Variants in HDHD2 observed in about 807,000 individuals in gnomAD.
The protein encoded by HDHD2 is haloacid dehalogenase like hydrolase domain containing 2, also known as haloacid dehalogenase-like hydrolase domain-containing protein 2.
Under a neutral mutation model 24.8 loss-of-function variants are expected in HDHD2, and 26 were observed. The ratio of observed to expected loss-of-function variants is 1.05; its 90% confidence interval spans 0.77 to 1.45. HDHD2 has a LOEUF of 1.45. HDHD2 is among the 40% of genes most tolerant of loss of function. The pLI, the probability that HDHD2 is intolerant of heterozygous loss-of-function variation, is 0.00. For missense variants in HDHD2, 299 were observed against 313.4 expected (o/e 0.95, Z 0.35); for synonymous variants, 128 against 114.9 (o/e 1.11, Z -0.73).
At chr18:47,144,208 C>T (rs1006913457) in intron 1 of HDHD2, among the ~76,000 whole-genome samples, 5 of 152,216 alleles carry the variant, frequency 3.3e-5, no homozygotes, top group African/African-American at 1.2e-4. Flanking sequence ...CCAAACGTAT[C>T]TGTCACACTA....
At chr18:47,124,544 T>C (rs2063638232) in intron 4 of HDHD2, among the ~76,000 whole-genome samples, 1 of 151,590 alleles carries the variant, frequency 6.6e-6, no homozygotes, top group African/African-American at 2.4e-5. Context: ...CTGTTTCTAC[T>C]AAAAATACAA....
chr18:47,125,862 T>C (rs1445794737), intron 4 of HDHD2, among the ~76,000 whole-genome samples: 1 of 152,216 alleles, frequency 6.6e-6, no homozygotes, highest in Non-Finnish European at 1.5e-5. Flanking sequence ...TCTGTATAAC[T>C]TACAGTGCAT....
chr18:47,129,794 C>T (rs757328768), intron 4 of HDHD2, among the ~76,000 whole-genome samples: 7 of 152,238 alleles, frequency 4.6e-5, no homozygotes, highest in Admixed American at 2.0e-4. Context: ...AACTGCTGCT[C>T]GGGCGTGCTG....
At chr18:47,136,884 T>C in intron 1 of HDHD2, 1 of 409,424 alleles carries the variant, frequency 2.4e-6, no homozygotes, top group African/African-American at 2.0e-5. Flanking sequence ...TCGCCCTTCT[T>C]TGCTGCTGTA....
At position 47,120,918 on chromosome 18, in the gene HDHD2, C is replaced by T. The variant is rs192345237; in HGVS notation, c.396-5570G>A. ...ATCTTAACATGGGCATGGTTTGTGG[C>T]TGCCCAAAACAATTACAACAGTAAC... On this transcript the variant is annotated intron_variant, in intron 4 of 6. Coordinates refer to ENST00000300605, the MANE Select transcript of HDHD2 (RefSeq NM_032124.5). Among the ~76,000 whole-genome samples the T allele has an allele frequency of 7.2e-3, 1,102 of 152,172 alleles. 9 individuals carry two copies. The highest frequency in any genetic ancestry group is 0.011 in the Non-Finnish European group (770 of 67,998).
intron 4 of HDHD2, among the ~76,000 whole-genome samples, chr18:47,129,038 A>C (rs116805156): frequency 6.6e-6 from 1 of 152,146 alleles, no homozygotes; most frequent in Non-Finnish European, 1.5e-5. Context: ...AAATACAAAA[A>C]CTTTACCAGG....
chr18:47,132,135 A>T (rs545002832), intron 3 of HDHD2, among the ~76,000 whole-genome samples: 3 of 152,248 alleles, frequency 2.0e-5, no homozygotes, highest in East Asian at 3.9e-4. Context: ...TCTTTTTACA[A>T]ATATAAGACA....
At chr18:47,125,894 T>C (rs371380904) in intron 4 of HDHD2, among the ~76,000 whole-genome samples, 9 of 152,182 alleles carry the variant, frequency 5.9e-5, no homozygotes, top group East Asian at 3.8e-4. Flanking sequence ...TTTAGAAAAA[T>C]CAGTAACAGA....
intron 1 of HDHD2, among the ~76,000 whole-genome samples, chr18:47,138,096 C>T (rs552182174): frequency 1.4e-5 from 2 of 141,018 alleles, no homozygotes; most frequent in East Asian, 2.3e-4. Context: ...CACTTGAACC[C>T]GGGAAGTGGA....
chr18:47,118,267 T>A (rs145741848), intron 4 of HDHD2, among the ~76,000 whole-genome samples: 1 of 152,156 alleles, frequency 6.6e-6, no homozygotes, highest in African/African-American at 2.4e-5. Flanking sequence ...CCCAAAGGAA[T>A]ATAGATCATT....
intron 3 of HDHD2, among the ~76,000 whole-genome samples, chr18:47,134,137 G>A (rs1389492673): frequency 1.3e-5 from 2 of 152,090 alleles, no homozygotes; most frequent in African/African-American, 2.4e-5. Flanking sequence ...ACCACGGGTC[G>A]TGATCTATTA....
chr18:47,114,461 T>C (rs1013130673), intron 5 of HDHD2, among the ~76,000 whole-genome samples: 3 of 152,196 alleles, frequency 2.0e-5, no homozygotes, highest in African/African-American at 7.2e-5. Context: ...TATTTAAAAA[T>C]TGAAATATAA....
At chr18:47,139,540 G>C (rs907145629) in intron 1 of HDHD2, among the ~76,000 whole-genome samples, 5 of 151,092 alleles carry the variant, frequency 3.3e-5, no homozygotes, top group African/African-American at 7.3e-5. Flanking sequence ...CCCTGAATTT[G>C]GTGAGCTGTG....
intron 4 of HDHD2, among the ~76,000 whole-genome samples, chr18:47,129,714 C>G (rs2144336119): frequency 6.6e-6 from 1 of 152,216 alleles, no homozygotes; most frequent in South Asian, 2.1e-4. Context: ...GGTGGATCAG[C>G]CTGGATACTG....
chr18:47,140,066 T>C (rs536799343), intron 1 of HDHD2, among the ~76,000 whole-genome samples: 1 of 152,320 alleles, frequency 6.6e-6, no homozygotes, highest in South Asian at 2.1e-4. Flanking sequence ...TCTTCATATT[T>C]TTTACCAATT....
At chr18:47,117,782 G>A (rs1388387330) in intron 4 of HDHD2, among the ~76,000 whole-genome samples, 1 of 151,940 alleles carries the variant, frequency 6.6e-6, no homozygotes, top group South Asian at 2.1e-4. Context: ...TTCCAGACCA[G>A]CCAGAGAGAC....
intron 3 of HDHD2, 99 bp downstream of exon 3, chr18:47,134,397 C>T (rs1162024648): frequency 1.8e-5 from 15 of 854,832 alleles, no homozygotes; most frequent in East Asian, 1.3e-4. Context: ...TCAAGAAAAA[C>T]GGGGAAATCA....
At chr18:47,134,302 T>C in intron 3 of HDHD2, 194 bp downstream of exon 3, 1 of 598,394 alleles carries the variant, frequency 1.7e-6, no homozygotes, top group East Asian at 2.8e-5. Flanking sequence ...TACTATGTAA[T>C]GTGTTTCACT....
At chr18:47,126,722 C>T (rs764603564) in intron 4 of HDHD2, among the ~76,000 whole-genome samples, 3 of 151,998 alleles carry the variant, frequency 2.0e-5, no homozygotes, top group South Asian at 4.1e-4. Context: ...AGGCCTCAAA[C>T]GTTTCCTAGG....
Sources: allele counts gnomAD v4.1 joint callset (sites outside exome capture counted in the v4.1 genomes callset), GRCh38; gene constraint gnomAD v4.1.1; transcripts MANE v1.5; gene names NCBI Gene and HGNC (gene_info 2026-07-23, HGNC 2026-07-21).